The following SLC4A10 variants were observed in gnomAD, a reference collection of about 807,000 sequenced individuals.
The protein encoded by SLC4A10 is sodium-driven chloride bicarbonate exchanger.
In SLC4A10, 42 loss-of-function variants were observed where a neutral mutation model predicts 137.7. That is an observed-to-expected ratio of 0.30 (90% confidence interval 0.24 to 0.39). The LOEUF is 0.39. Ranked by LOEUF, SLC4A10 falls within the 10% of genes least tolerant of loss-of-function variation. SLC4A10 has a pLI of 1.00. For synonymous variants in SLC4A10, 474 were observed against 464.1 expected (o/e 1.02, Z -0.27); for missense variants, 925 against 1,355.0 (o/e 0.68, Z 4.98).
chr2:161,793,765 T>C (rs746290693), intron 2 of SLC4A10, among the ~76,000 whole-genome samples: 22 of 152,160 alleles, frequency 1.4e-4, no homozygotes, highest in Non-Finnish European at 3.1e-4. Context: ...TATTCTTTTG[T>C]GCCACTTTCA....
At chr2:161,668,128 C>T (rs1020657860) in intron 1 of SLC4A10, among the ~76,000 whole-genome samples, 3 of 151,798 alleles carry the variant, frequency 2.0e-5, no homozygotes, top group Non-Finnish European at 3.0e-5. Flanking sequence ...GGCAACGAAA[C>T]TTTGAACTAC....
chr2:161,870,746 G>A (rs536097564), intron 6 of SLC4A10, among the ~76,000 whole-genome samples: 21 of 151,948 alleles, frequency 1.4e-4, no homozygotes, highest in Admixed American at 1.2e-3. Context: ...GGGAGAATGA[G>A]AATAATTTAT....
At chr2:161,670,726 T>C (rs767586717) in intron 1 of SLC4A10, among the ~76,000 whole-genome samples, 8 of 152,120 alleles carry the variant, frequency 5.3e-5, no homozygotes, top group Admixed American at 6.6e-5. Flanking sequence ...CAAAAAATTA[T>C]CTTACTTCTC....
At chr2:161,671,708 A>G (rs2039743801) in intron 1 of SLC4A10, among the ~76,000 whole-genome samples, 1 of 152,018 alleles carries the variant, frequency 6.6e-6, no homozygotes, top group African/African-American at 2.4e-5. Context: ...CAGACAAAAC[A>G]TCGTCTGAAA....
chr2:161,984,461 C>T lies in SLC4A10; in HGVS notation c.*1309C>T, dbSNP rs1438493170. 6.6e-6 allele frequency: 1 copy of T among 152,036 alleles called. No individual in the cohort carries two copies. Among genetic ancestry groups the T allele is most frequent in the African/African-American group, 2.4e-5 (1 of 41,416 alleles). The allele number at this position is 152,036 out of a possible 1,614,324, so 9.4% of individuals were successfully genotyped here. A position where few individuals can be genotyped will look rare whatever the true frequency, so the allele number is the denominator to read the frequency against. Reference sequence around the variant, plus strand: ...TTGGTTCCTAAGAATGAGTAGTAATCATCAACTTTATAATACTCCAATATT... The same window carrying T: ...TTGGTTCCTAAGAATGAGTAGTAATTATCAACTTTATAATACTCCAATATT... On this transcript the variant is annotated 3_prime_UTR_variant, in exon 27 of 27. Transcript: ENST00000446997.
At chr2:161,836,507 A>G (rs58057690) in intron 3 of SLC4A10, among the ~76,000 whole-genome samples, 59 of 58,180 alleles carry the variant, frequency 1.0e-3, no homozygotes, top group Admixed American at 3.1e-3. Context: ...AGGAAGAAAA[A>G]GAAAGAAAGA....
intron 1 of SLC4A10, among the ~76,000 whole-genome samples, chr2:161,664,751 CA>C (rs1558979853): frequency 6.7e-6 from 1 of 150,152 alleles, no homozygotes; most frequent in Non-Finnish European, 1.5e-5. Flanking sequence ...GTTAATATAA[CA>C]TTAGAGAATT....
intron 4 of SLC4A10, among the ~76,000 whole-genome samples, chr2:161,843,121 A>G (rs1306310114): frequency 6.6e-6 from 1 of 152,160 alleles, no homozygotes; most frequent in Admixed American, 6.5e-5. Flanking sequence ...GGCAAGAGTA[A>G]CTCACTTATT....
rs183312066 is a variant in SLC4A10, at chr2:161,729,282, C to T, written c.49-41691C>T. ...ATATCCACAAACAACATAATTCTCCCAAGGAATCTAAAAAACAAAGAACGC... is the reference window on the plus strand; with the variant it reads ...ATATCCACAAACAACATAATTCTCCTAAGGAATCTAAAAAACAAAGAACGC... On this transcript the variant is annotated intron_variant, in intron 1 of 26. Coordinates refer to ENST00000446997, the MANE Select transcript of SLC4A10 (RefSeq NM_001178015.2). Among the ~76,000 whole-genome samples the T allele has an allele frequency of 3.7e-4, 57 of 152,068 alleles. No individual in the cohort carries two copies. The East Asian group carries it at 0.01, about 27-fold the overall frequency.
At chr2:161,836,654 GAA>G (rs34914585) in intron 3 of SLC4A10, among the ~76,000 whole-genome samples, 11 of 125,754 alleles carry the variant, frequency 8.7e-5, no homozygotes, top group East Asian at 2.2e-4. Flanking sequence ...AAAATTTCTG[GAA>G]AAAAAAAAAC....
In SLC4A10 at chr2:161,838,292, A is replaced by C. The variant is rs1006490498; in HGVS notation, c.278-1497A>C. 3.6e-4 allele frequency among the ~76,000 whole-genome samples: 55 copies of C among 151,752 alleles called. 1 individual carries two copies. Among genetic ancestry groups the C allele is most frequent in the African/African-American group, 1.2e-3 (50 of 41,376 alleles). ...ATCCATATGCAAAAAATAAAAAAAA[A>C]CCCTTGAATTAAACCTCATATCTTA... On this transcript the variant is annotated intron_variant, in intron 3 of 26. Transcript: ENST00000446997.
chr2:161,846,090 A>G (rs1448848993), intron 4 of SLC4A10, among the ~76,000 whole-genome samples: 5 of 152,192 alleles, frequency 3.3e-5, no homozygotes, highest in Non-Finnish European at 5.9e-5. Context: ...CAAAAGTGTT[A>G]TATGTAGAAC....
At chr2:161,653,753 G>T (rs1005213606) in intron 1 of SLC4A10, among the ~76,000 whole-genome samples, 1 of 152,102 alleles carries the variant, frequency 6.6e-6, no homozygotes, top group Non-Finnish European at 1.5e-5. Context: ...GTATTTCATT[G>T]TATGTATATA....
intron 1 of SLC4A10, among the ~76,000 whole-genome samples, chr2:161,633,358 A>G (rs1221610651): frequency 6.6e-6 from 1 of 151,786 alleles, no homozygotes. Flanking sequence ...AACCAAGTGC[A>G]TGGAACTCCT....
chr2:161,661,076 T>C (rs1283896923), intron 1 of SLC4A10, among the ~76,000 whole-genome samples: 1 of 152,220 alleles, frequency 6.6e-6, no homozygotes, highest in African/African-American at 2.4e-5. Context: ...TAACGATTTT[T>C]AATTTATATC....
chr2:161,883,775 C>A (rs964920798), intron 10 of SLC4A10, among the ~76,000 whole-genome samples: 3 of 152,062 alleles, frequency 2.0e-5, no homozygotes, highest in Non-Finnish European at 4.4e-5. Flanking sequence ...ATGGCTTTCT[C>A]CCAGTTGTCT....
chr2:161,941,089 A>G (rs1474674777), intron 15 of SLC4A10, among the ~76,000 whole-genome samples: 1 of 152,224 alleles, frequency 6.6e-6, no homozygotes, highest in Non-Finnish European at 1.5e-5. Context: ...TAAGCCTTAG[A>G]GCAACCACTA....
chr2:161,844,847 A>G (rs1173990502), intron 4 of SLC4A10, among the ~76,000 whole-genome samples: 2 of 152,164 alleles, frequency 1.3e-5, no homozygotes, highest in African/African-American at 4.8e-5. Context: ...ATCTTGGATG[A>G]AAACAGATCC....
chr2:161,746,532 T>A (rs2048403064), intron 1 of SLC4A10, among the ~76,000 whole-genome samples: 1 of 152,060 alleles, frequency 6.6e-6, no homozygotes, highest in Non-Finnish European at 1.5e-5. Context: ...CTCTAGGAGC[T>A]GATACCTGGA....
Sources: allele counts gnomAD v4.1 joint callset (sites outside exome capture counted in the v4.1 genomes callset), GRCh38; gene constraint gnomAD v4.1.1; transcripts MANE v1.5; gene names NCBI Gene and HGNC (gene_info 2026-07-23, HGNC 2026-07-21).